The following PKIG variants were observed in gnomAD, a reference collection of about 807,000 sequenced individuals.
PKIG encodes protein kinase (cAMP-dependent, catalytic) inhibitor gamma.
In PKIG, 1 loss-of-function variant was observed where a neutral mutation model predicts 6.8. That is an observed-to-expected ratio of 0.15 (90% CI 0.05 to 0.69). The LOEUF (loss-of-function observed/expected upper bound fraction) is 0.69, where lower values mean the gene tolerates loss of function less well. Ranked by LOEUF, PKIG falls within the 30% of genes least tolerant of loss-of-function variation. PKIG has a pLI of 0.82. For missense variants in PKIG, 77 were observed against 104.0 expected (o/e 0.74, Z 1.13); for synonymous variants, 39 against 43.0 (o/e 0.91, Z 0.36).
At chr20:44,540,813 C>T (rs1039705528) in intron 1 of PKIG, among the ~76,000 whole-genome samples, 1 of 152,066 alleles carries the variant, frequency 6.6e-6, no homozygotes, top group African/African-American at 2.4e-5. Flanking sequence ...AACTCTTGAC[C>T]TCAGGTGATC....
intron 1 of PKIG, among the ~76,000 whole-genome samples, chr20:44,544,263 A>G (rs1173240788): frequency 6.6e-6 from 1 of 152,134 alleles, no homozygotes; most frequent in Non-Finnish European, 1.5e-5. Context: ...GGATGAAATT[A>G]TCTCTAGACC....
intron 2 of PKIG, among the ~76,000 whole-genome samples, chr20:44,597,671 C>G (rs933800914): frequency 1.3e-5 from 2 of 152,190 alleles, no homozygotes; most frequent in African/African-American, 4.8e-5. Context: ...CCATCTGGAT[C>G]ACTGCTTGGT....
intron 1 of PKIG, among the ~76,000 whole-genome samples, chr20:44,584,438 A>G (rs2064972546): frequency 1.3e-5 from 2 of 151,118 alleles, no homozygotes; most frequent in South Asian, 2.1e-4. Flanking sequence ...ATCATTTAAC[A>G]TAGAGCCACC....
intron 1 of PKIG, among the ~76,000 whole-genome samples, chr20:44,550,420 A>C (rs1481102201): frequency 6.6e-6 from 1 of 151,982 alleles, no homozygotes; most frequent in Admixed American, 6.6e-5. Flanking sequence ...AAAAAAATGG[A>C]TTCCCTTTAA....
chr20:44,591,328 A>T (rs1332945650), intron 2 of PKIG, among the ~76,000 whole-genome samples: 1 of 152,088 alleles, frequency 6.6e-6, no homozygotes, highest in Non-Finnish European at 1.5e-5. Flanking sequence ...AATGAATCTG[A>T]ACTTTATCCT....
chr20:44,573,494 G>A (rs2064870854), intron 1 of PKIG, among the ~76,000 whole-genome samples: 1 of 152,238 alleles, frequency 6.6e-6, no homozygotes, highest in African/African-American at 2.4e-5. Flanking sequence ...CATTTGTCAA[G>A]TAAAGATAGT....
At chr20:44,581,802 G>A (rs1568820989), upstream of PKIG, among the ~76,000 whole-genome samples, 1 of 152,160 alleles carries the variant, frequency 6.6e-6, no homozygotes, top group Non-Finnish European at 1.5e-5. Flanking sequence ...CTTCTCCAGG[G>A]TTCTTCCTTC....
chr20:44,561,053 A>G (rs1418223287), intron 1 of PKIG, among the ~76,000 whole-genome samples: 2 of 152,230 alleles, frequency 1.3e-5, no homozygotes, highest in East Asian at 3.8e-4. Flanking sequence ...AAACGTCACA[A>G]TGGGCCGGGT....
intron 1 of PKIG, among the ~76,000 whole-genome samples, chr20:44,547,521 T>C (rs8121080): frequency 0.018 from 2,769 of 152,202 alleles, 89 homozygotes; most frequent in African/African-American, 0.064. Flanking sequence ...AGGAGTTGTC[T>C]TGAGGATCAC....
chr20:44,582,374 G>A (rs2123346361), upstream of PKIG, among the ~76,000 whole-genome samples: 1 of 152,232 alleles, frequency 6.6e-6, no homozygotes, highest in Non-Finnish European at 1.5e-5. Flanking sequence ...AAGGATATTA[G>A]GCAAGCGTGG....
intron 2 of PKIG, among the ~76,000 whole-genome samples, chr20:44,610,125 G>C (rs1017388490): frequency 6.6e-6 from 1 of 152,220 alleles, no homozygotes; most frequent in East Asian, 1.9e-4. Flanking sequence ...AGCGTGACTA[G>C]GGCAGCGCGC....
At chr20:44,542,005 C>T (rs964415392) in intron 1 of PKIG, among the ~76,000 whole-genome samples, 1 of 152,102 alleles carries the variant, frequency 6.6e-6, no homozygotes, top group Non-Finnish European at 1.5e-5. Context: ...AGCTTATTTT[C>T]TTATTTGTAA....
chr20:44,558,426 T>C (rs1003415116), intron 1 of PKIG, among the ~76,000 whole-genome samples: 12 of 152,196 alleles, frequency 7.9e-5, no homozygotes, highest in Admixed American at 2.0e-4. Context: ...TGTCCTGTGC[T>C]TGACACTCTA....
At chr20:44,561,206 G>A (rs918201244) in intron 1 of PKIG, among the ~76,000 whole-genome samples, 3 of 152,114 alleles carry the variant, frequency 2.0e-5, no homozygotes, top group Non-Finnish European at 2.9e-5. Context: ...ATGTGGTGGC[G>A]GGCGCCTGTG....
At chr20:44,579,667 T>C (rs999308519), upstream of PKIG, among the ~76,000 whole-genome samples, 9 of 152,240 alleles carry the variant, frequency 5.9e-5, no homozygotes, top group South Asian at 4.1e-4. Flanking sequence ...TTGTCAGTTA[T>C]AAGAAGAAAT....
At chr20:44,543,299 C>T (rs73284580) in intron 1 of PKIG, among the ~76,000 whole-genome samples, 10,384 of 151,904 alleles carry the variant, frequency 0.068, 390 homozygotes, top group South Asian at 0.15. Context: ...TTGATACGTG[C>T]ACACTTATAC....
At chr20:44,593,355 A>G (rs930410407) in intron 2 of PKIG, among the ~76,000 whole-genome samples, 2 of 126,576 alleles carry the variant, frequency 1.6e-5, no homozygotes, top group East Asian at 2.2e-4. Flanking sequence ...TTATAATGCT[A>G]TAATAATCAA....
intron 2 of PKIG, among the ~76,000 whole-genome samples, chr20:44,608,584 C>G (rs11697634): frequency 0.07 from 10,665 of 152,166 alleles, 394 homozygotes; most frequent in African/African-American, 0.094. Context: ...AGGAGGATCA[C>G]TTGAGCCCAG....
At chr20:44,598,159 T>C (rs1297765274) in intron 2 of PKIG, among the ~76,000 whole-genome samples, 1 of 152,144 alleles carries the variant, frequency 6.6e-6, no homozygotes, top group Non-Finnish European at 1.5e-5. Flanking sequence ...CCCCTGTGGT[T>C]ACTTCATAGG....
Sources: gnomAD v4.1 joint callset for allele counts (sites outside exome capture counted in the v4.1 genomes callset) on GRCh38, gnomAD v4.1.1 for gene constraint, MANE v1.5 for transcripts, NCBI Gene and HGNC (gene_info 2026-07-23, HGNC 2026-07-21) for gene names.